The following LOC112694756 variants were observed in gnomAD, a reference collection of about 807,000 sequenced individuals.
chr16:30,065,135 G>C, the LOC112694756 span, among the ~76,000 whole-genome samples: 4 of 152,208 alleles, frequency 2.6e-5, no homozygotes, highest in Admixed American at 6.5e-5. Flanking sequence ...CCTGGAACTC[G>C]GATGGGGAGG....
chr16:30,062,488 C>T, the LOC112694756 span, among the ~76,000 whole-genome samples: 275 of 145,468 alleles, frequency 1.9e-3, no homozygotes, highest in African/African-American at 6.3e-3. Flanking sequence ...GCCGAGACCG[C>T]GCCATGGCAC....
chr16:30,069,324 G>T, the LOC112694756 span: 2 of 1,614,160 alleles, frequency 1.2e-6, no homozygotes, highest in East Asian at 2.2e-5. Flanking sequence ...TGTGCCCATC[G>T]TGGAGCCTGA....
At chr16:30,070,037 T>C in the LOC112694756 span, 25 of 1,613,510 alleles carry the variant, frequency 1.5e-5, no homozygotes, top group Non-Finnish European at 1.9e-5. Context: ...CTGGTAAGGA[T>C]AGGCAGGAGG....
the LOC112694756 span, among the ~76,000 whole-genome samples, chr16:30,053,740 C>T: frequency 9.9e-5 from 15 of 152,268 alleles, no homozygotes; most frequent in Admixed American, 7.2e-4. Flanking sequence ...AAGGCATTTC[C>T]GGCAGAGGAA....
the LOC112694756 span, among the ~76,000 whole-genome samples, chr16:30,066,596 C>T: frequency 1.2e-4 from 19 of 152,306 alleles, no homozygotes; most frequent in Admixed American, 2.6e-4. Context: ...TTTCCTAATG[C>T]CCCTTTCCTA....
chr16:30,062,415 C>CAAG, the LOC112694756 span, among the ~76,000 whole-genome samples: 1 of 151,804 alleles, frequency 6.6e-6, no homozygotes, highest in South Asian at 2.1e-4. Context: ...GCCTGTAATC[C>CAAG]CAGCTACTTG....
At chr16:30,059,751 C>A in the LOC112694756 span, among the ~76,000 whole-genome samples, 3 of 150,424 alleles carry the variant, frequency 2.0e-5, no homozygotes, top group Non-Finnish European at 3.0e-5. Flanking sequence ...TTAGTAGAGA[C>A]AGGTTTTCAC....
chr16:30,059,042 G>A, the LOC112694756 span: 2 of 398,346 alleles, frequency 5.0e-6, no homozygotes, highest in Admixed American at 4.4e-5. Context: ...CCCTGCATGC[G>A]ATCAGAAGCA....
the LOC112694756 span, among the ~76,000 whole-genome samples, chr16:30,062,990 C>A: frequency 4.6e-5 from 7 of 151,782 alleles, no homozygotes; most frequent in South Asian, 1.5e-3. Flanking sequence ...ACTACAAATA[C>A]AAAAATTAGC....
the LOC112694756 span, among the ~76,000 whole-genome samples, chr16:30,060,658 G>A: frequency 6.6e-6 from 1 of 152,116 alleles, no homozygotes; most frequent in Admixed American, 6.6e-5. Flanking sequence ...TGGCAGCAGA[G>A]CCTCTCTCAG....
the LOC112694756 span, chr16:30,064,387 C>T: frequency 5.0e-6 from 2 of 398,704 alleles, no homozygotes; most frequent in East Asian, 7.1e-5. Flanking sequence ...AGGGAGGCCA[C>T]GTGATCCGAG....
chr16:30,065,112 C>T, the LOC112694756 span, among the ~76,000 whole-genome samples: 1 of 152,216 alleles, frequency 6.6e-6, no homozygotes, highest in East Asian at 1.9e-4. Flanking sequence ...CGCGACCCAG[C>T]CCGGCCTGCC....
chr16:30,062,864 C>T, the LOC112694756 span, among the ~76,000 whole-genome samples: 5 of 151,004 alleles, frequency 3.3e-5, no homozygotes, highest in East Asian at 2.0e-4. Context: ...AAAAAATGGC[C>T]GGGCACAGTT....
chr16:30,065,087 G>A, the LOC112694756 span, among the ~76,000 whole-genome samples: 105 of 152,362 alleles, frequency 6.9e-4, 1 homozygote, highest in East Asian at 0.015. Context: ...GCCCGGCGGA[G>A]AGCGCGCACG....
the LOC112694756 span, chr16:30,070,206 C>T: frequency 3.6e-5 from 58 of 1,614,012 alleles, no homozygotes; most frequent in Admixed American, 4.3e-4. Flanking sequence ...CTAACCACGC[C>T]TATTAAGCGG....
the LOC112694756 span, chr16:30,066,989 A>G: frequency 1.3e-6 from 2 of 1,560,554 alleles, no homozygotes; most frequent in Non-Finnish European, 1.7e-6. Flanking sequence ...GCCAGTGGGC[A>G]ACTCCACCCT....
the LOC112694756 span, among the ~76,000 whole-genome samples, chr16:30,057,263 A>G: frequency 1.3e-5 from 2 of 152,150 alleles, no homozygotes; most frequent in Non-Finnish European, 2.9e-5. Context: ...CCATGCCTGT[A>G]TGTGTAGACA....
the LOC112694756 span, among the ~76,000 whole-genome samples, chr16:30,065,363 C>G: frequency 2.0e-5 from 3 of 152,342 alleles, no homozygotes; most frequent in South Asian, 6.2e-4. Flanking sequence ...TGGGGCGGCC[C>G]CGGGCCGCGC....
chr16:30,062,755 C>T, the LOC112694756 span, among the ~76,000 whole-genome samples: 4 of 151,746 alleles, frequency 2.6e-5, no homozygotes, highest in East Asian at 1.9e-4. Context: ...GCAGGAGAAC[C>T]GCTTGAATCC....
Sources: gnomAD v4.1 joint callset for allele counts (sites outside exome capture counted in the v4.1 genomes callset) on GRCh38, gnomAD v4.1.1 for gene constraint, MANE v1.5 for transcripts.